Variants in ANK3 observed in about 807,000 individuals in gnomAD.
ANK3 encodes ankyrin 3, also known as ankyrin-3.
In ANK3, 57 loss-of-function variants were observed where a neutral mutation model predicts 370.9. The observed-to-expected ratio is 0.15, with a 90% CI of 0.12 to 0.19. The LOEUF (loss-of-function observed/expected upper bound fraction) is 0.19, where lower values mean the gene tolerates loss of function less well. Ranked by LOEUF, ANK3 falls within the 10% of genes least tolerant of loss-of-function variation. ANK3 has a pLI of 1.00. For missense variants in ANK3, 4,439 were observed against 5,302.1 expected (o/e 0.84, Z 5.06); for synonymous variants, 1,929 against 1,946.3 (o/e 0.99, Z 0.23).
intron 1 of ANK3, among the ~76,000 whole-genome samples, chr10:60,306,347 GC>G (rs767911350): frequency 6.6e-6 from 1 of 151,464 alleles, no homozygotes; most frequent in Non-Finnish European, 1.5e-5. Flanking sequence ...TACAATAATG[GC>G]CTCTACCTTC....
At chr10:60,726,622 C>T (rs1257498119) in intron 1 of ANK3, among the ~76,000 whole-genome samples, 1 of 152,120 alleles carries the variant, frequency 6.6e-6, no homozygotes, top group Non-Finnish European at 1.5e-5. Flanking sequence ...CTCTTCCTAA[C>T]TCTAAAACCA....
chr10:60,426,096 T>C (rs1279347238), intron 2 of ANK3, among the ~76,000 whole-genome samples: 2 of 152,206 alleles, frequency 1.3e-5, no homozygotes, highest in Middle Eastern at 3.4e-3. Context: ...TACAAATGTT[T>C]ACCAGTTTTT....
At chr10:60,140,125 A>C (rs773430945) in intron 23 of ANK3, 14 of 569,946 alleles carry the variant, frequency 2.5e-5, no homozygotes, top group Non-Finnish European at 4.3e-5. Flanking sequence ...CCATTCATTT[A>C]AACTCAGGAA....
In ANK3 at chr10:60,071,531, A is replaced by AT. The variant is rs370637835; in HGVS notation, c.9349dup (p.Ile3117AsnfsTer7). The stretch of plus-strand genomic sequence containing the variant: ...TACTGTCTTACATTCCTGACTTATG[A>AT]TTTTTTTTACACCTCCTTGTTGTAT... On this transcript the variant is annotated frameshift_variant, in exon 37 of 44. Transcript: ENST00000280772. LOFTEE classifies it high-confidence loss of function. The AT allele has an allele frequency of 6.2e-7, 1 of 1,613,462 alleles. No homozygotes were observed. Among genetic ancestry groups the AT allele is most frequent in the Non-Finnish European group, 8.5e-7 (1 of 1,179,708 alleles).
intron 1 of ANK3, among the ~76,000 whole-genome samples, chr10:60,724,803 T>C (rs1401516729): frequency 2.0e-5 from 3 of 152,240 alleles, no homozygotes; most frequent in East Asian, 1.9e-4. Context: ...CCATTCCATA[T>C]AATGATAATG....
chr10:60,300,922 T>C (rs1264305912), intron 1 of ANK3, among the ~76,000 whole-genome samples: 1 of 152,088 alleles, frequency 6.6e-6, no homozygotes, highest in Non-Finnish European at 1.5e-5. Context: ...TACCTACAGT[T>C]ATATACACAC....
At chr10:60,706,276 A>G (rs192594570) in intron 1 of ANK3, among the ~76,000 whole-genome samples, 4 of 152,292 alleles carry the variant, frequency 2.6e-5, no homozygotes, top group African/African-American at 9.6e-5. Flanking sequence ...GGTCAGCATG[A>G]CCATAAACCA....
At chr10:60,216,067 C>G (rs2096932050) in intron 8 of ANK3, among the ~76,000 whole-genome samples, 1 of 152,030 alleles carries the variant, frequency 6.6e-6, no homozygotes, top group South Asian at 2.1e-4. Context: ...CCTTCACATC[C>G]CTTGTTGGCT....
At chr10:60,081,525 A>T (rs1249319774) in intron 35 of ANK3, 1 of 438,148 alleles carries the variant, frequency 2.3e-6, no homozygotes, top group Admixed American at 2.7e-5. Context: ...CTATATTCTT[A>T]AAAAAATGGT....
intron 1 of ANK3, among the ~76,000 whole-genome samples, chr10:60,346,997 G>T (rs7097138): frequency 0.7 from 103,843 of 148,626 alleles, 37,514 homozygotes; most frequent in South Asian, 0.91. Flanking sequence ...TCTATTAGTA[G>T]CTTTTTTAGT....
intron 18 of ANK3, among the ~76,000 whole-genome samples, chr10:60,174,571 A>G (rs1309653829): frequency 1.3e-5 from 2 of 152,250 alleles, no homozygotes; most frequent in African/African-American, 4.8e-5. Context: ...CCAAGTTCAA[A>G]GAACTTCCCC....
chr10:60,436,103 A>G (rs2132991077), intron 2 of ANK3, among the ~76,000 whole-genome samples: 1 of 148,506 alleles, frequency 6.7e-6, no homozygotes, highest in African/African-American at 2.5e-5. Flanking sequence ...AAAAATAAAT[A>G]AATAAATAAA....
At chr10:60,178,706 C>T (rs2096052367) in intron 18 of ANK3, among the ~76,000 whole-genome samples, 1 of 152,158 alleles carries the variant, frequency 6.6e-6, no homozygotes, top group African/African-American at 2.4e-5. Flanking sequence ...TATGCTTTTA[C>T]ACACATTTAA....
intron 2 of ANK3, among the ~76,000 whole-genome samples, chr10:60,495,166 T>G (rs185847079): frequency 1.7e-4 from 25 of 149,288 alleles, no homozygotes; most frequent in Middle Eastern, 3.5e-3. Context: ...TGTAGACTGG[T>G]GGGGCAATTT....
chr10:60,347,680 T>C (rs2055909850), intron 1 of ANK3, among the ~76,000 whole-genome samples: 1 of 152,116 alleles, frequency 6.6e-6, no homozygotes, highest in African/African-American at 2.4e-5. Context: ...CATAAATCTA[T>C]TGCTTTTTTC....
intron 1 of ANK3, among the ~76,000 whole-genome samples, chr10:60,631,656 C>A (rs141278826): frequency 1.3e-5 from 2 of 151,940 alleles, no homozygotes; most frequent in African/African-American, 2.4e-5. Context: ...AAATTATACA[C>A]GGAAATTGTT....
intron 23 of ANK3, among the ~76,000 whole-genome samples, chr10:60,154,563 G>A (rs1173312184): frequency 6.6e-6 from 1 of 152,172 alleles, no homozygotes; most frequent in Non-Finnish European, 1.5e-5. Flanking sequence ...GGAGGCTGGG[G>A]CAGGTGGATC....
intron 16 of ANK3, among the ~76,000 whole-genome samples, chr10:60,195,851 C>A (rs1385304212): frequency 6.6e-6 from 1 of 152,212 alleles, no homozygotes; most frequent in Non-Finnish European, 1.5e-5. Context: ...TTTCTTACTT[C>A]CTCAGGCTGT....
At chr10:60,643,500 ATATCTATCTATCTATC>A (rs61461746) in intron 1 of ANK3, among the ~76,000 whole-genome samples, 44 of 146,802 alleles carry the variant, frequency 3.0e-4, no homozygotes, top group East Asian at 1.5e-3. Context: ...ACTCCCCTTT[ATATCTATCTATCTATC>A]TATCTATCTA....
Sources: gnomAD v4.1 joint callset for allele counts (sites outside exome capture counted in the v4.1 genomes callset) on GRCh38, gnomAD v4.1.1 for gene constraint, MANE v1.5 for transcripts, NCBI Gene and HGNC (gene_info 2026-07-23, HGNC 2026-07-21) for gene names.